Variants in GRSF1 observed in about 807,000 individuals in gnomAD.
GRSF1 encodes G-rich RNA sequence binding factor 1.
In GRSF1, 50 loss-of-function variants were observed where a neutral mutation model predicts 51.1. The ratio of observed to expected loss-of-function variants is 0.98; its 90% CI spans 0.78 to 1.24. The LOEUF (loss-of-function observed/expected upper bound fraction) is 1.24, where lower values mean the gene tolerates loss of function less well. Among genes scored for constraint, GRSF1 ranks in the 50% most tolerant of loss-of-function variants. The pLI, the probability that GRSF1 is intolerant of heterozygous loss-of-function variation, is 0.00. For synonymous variants in GRSF1, 293 were observed against 253.3 expected (o/e 1.16, Z -1.49); for missense variants, 700 against 639.7 (o/e 1.09, Z -1.02).
intron 2 of GRSF1, among the ~76,000 whole-genome samples, chr4:70,835,061 C>T (rs1734142662): frequency 6.6e-6 from 1 of 152,112 alleles, no homozygotes; most frequent in African/African-American, 2.4e-5. Context: ...TTTAATGTTC[C>T]ATGTTAGTTT....
In GRSF1 at chr4:70,820,601, C is replaced by T; in HGVS notation, c.*286G>A. 1 of 152,326 alleles carries T rather than the reference C, an allele frequency of 6.6e-6. No individual in the cohort carries two copies. Among genetic ancestry groups the T allele is most frequent in the South Asian group, 2.1e-4 (1 of 4,832 alleles). The allele number at this position is 152,326 out of a possible 1,614,324, so 9.4% of individuals were successfully genotyped here. A position where few individuals can be genotyped will look rare whatever the true frequency, so the allele number is the denominator to read the frequency against. ...GTAACATATCATCTATGAAAACAAA[C>T]CATTTAATCATATAAAACAAAGACC... On this transcript the variant is annotated 3_prime_UTR_variant, in exon 10 of 10. Transcript: ENST00000254799.
At chr4:70,841,892 G>T (rs1734468123), upstream of GRSF1, among the ~76,000 whole-genome samples, 1 of 152,196 alleles carries the variant, frequency 6.6e-6, no homozygotes, top group Admixed American at 6.6e-5. Context: ...AGGGACAAAA[G>T]AAAAGGCAAC....
chr4:70,830,245 A>G (rs1733903939), intron 5 of GRSF1, among the ~76,000 whole-genome samples: 1 of 152,050 alleles, frequency 6.6e-6, no homozygotes, highest in Non-Finnish European at 1.5e-5. Context: ...AGGGCAACAC[A>G]GCAAGACCCC....
rs1733728914 is a variant in GRSF1 at position 70,826,174 on chromosome 4, C to G, written c.1207G>C (p.Val403Leu). ...TGGAAAGGTAATCCTCTCATGTGGACAAAATGCAGAGAAGACGTAGTTCCA... is the reference window on the plus strand; with the variant it reads ...TGGAAAGGTAATCCTCTCATGTGGAGAAAATGCAGAGAAGACGTAGTTCCA... ...DFGTTSSLHFVHMRGLPFQAN... is the reference protein window; with the variant it reads ...DFGTTSSLHFLHMRGLPFQAN... The change falls in exon 7 of 10, where the codon GTC becomes CTC. Residue 403 changes from valine (V) to leucine (L), a missense_variant. By Grantham distance (32) the Val-to-Leu change is conservative. Transcript: ENST00000254799. 1.9e-6 allele frequency: 3 copies of G among 1,611,316 alleles called. No individual in the cohort carries two copies. The highest frequency in any genetic ancestry group is 1.3e-5 in the African/African-American group (1 of 74,808).
Position 70,819,662 on chromosome 4 carries a change from C to A in GRSF1, c.*1225G>T, listed in dbSNP as rs1383993286. Reference sequence around the variant, plus strand: ...CTTCCAGGTATCACCTGTCAGAAACCTGGGCAAATTTAATTTTAAGAACTA... The same window carrying A: ...CTTCCAGGTATCACCTGTCAGAAACATGGGCAAATTTAATTTTAAGAACTA... On this transcript the variant is annotated 3_prime_UTR_variant, in exon 10 of 10. Coordinates refer to ENST00000254799, the MANE Select transcript of GRSF1 (RefSeq NM_002092.4). The A allele has an allele frequency of 6.6e-6, 1 of 152,470 alleles. No individual in the cohort carries two copies. Among genetic ancestry groups the A allele is most frequent in the East Asian group, 1.9e-4 (1 of 5,204 alleles). The allele number at this position is 152,470 out of a possible 1,614,324, so 9.4% of individuals were successfully genotyped here. A position where few individuals can be genotyped will look rare whatever the true frequency, so the allele number is the denominator to read the frequency against.
rs376358214 is a variant in GRSF1, at chr4:70,818,675, G to C, written c.*2212C>G. 7 of 152,156 alleles carry C rather than the reference G, an allele frequency of 4.6e-5. No homozygotes were observed. Among genetic ancestry groups the C allele is most frequent in the Non-Finnish European group, 1.0e-4 (7 of 68,042 alleles). 9.4% of individuals were successfully genotyped at this position (152,156 alleles called of 1,614,324 possible). On this transcript the variant is annotated 3_prime_UTR_variant, in exon 10 of 10. Coordinates refer to ENST00000254799, the MANE Select transcript of GRSF1 (RefSeq NM_002092.4). The stretch of plus-strand genomic sequence containing the variant: ...CCTGGTATTTACATACTGCTTCTCA[G>C]AGTTCTCCCTTGCACTCCGTAAGCA...
intron 9 of GRSF1, among the ~76,000 whole-genome samples, chr4:70,821,809 G>A (rs1174015763): frequency 1.3e-5 from 2 of 151,606 alleles, no homozygotes; most frequent in Non-Finnish European, 2.9e-5. Context: ...CCCAGTAGCT[G>A]GAACTACAGA....
chr4:70,818,410 T>C lies in GRSF1; in HGVS notation c.*2477A>G, dbSNP rs1578288644. Reference sequence around the variant, plus strand: ...GCATGTTGATTAATAAGCAGATTCATGGCACACAATGTTGCCTTCAAACTG... The same window carrying C: ...GCATGTTGATTAATAAGCAGATTCACGGCACACAATGTTGCCTTCAAACTG... On this transcript the variant is annotated 3_prime_UTR_variant, in exon 10 of 10. Transcript: ENST00000254799. The C allele has an allele frequency of 6.6e-6, 1 of 152,218 alleles. No individual in the cohort carries two copies. Among genetic ancestry groups the C allele is most frequent in the African/African-American group, 2.4e-5 (1 of 41,444 alleles). 9.4% of individuals were successfully genotyped at this position (152,218 alleles called of 1,614,324 possible).
rs1733455668 is a variant in GRSF1, at chr4:70,820,428, G to GA, written c.*458dup. On this transcript the variant is annotated 3_prime_UTR_variant, in exon 10 of 10. Coordinates refer to ENST00000254799, the MANE Select transcript of GRSF1 (RefSeq NM_002092.4). ...GTCTGAAACCGTTCTTTGCTTTGGTGAATGTTTGGTTAAAATAAATCACTG... is the reference window on the plus strand; with the variant it reads ...GTCTGAAACCGTTCTTTGCTTTGGTGAAATGTTTGGTTAAAATAAATCACTG... The GA allele has an allele frequency of 1.3e-5, 2 of 152,400 alleles. No individual in the cohort carries two copies. The highest frequency in any genetic ancestry group is 4.8e-5 in the African/African-American group (2 of 41,364). 9.4% of individuals were successfully genotyped at this position (152,400 alleles called of 1,614,324 possible). A position where few individuals can be genotyped will look rare whatever the true frequency, so the allele number is the denominator to read the frequency against.
At chr4:70,840,770 A>G (rs563159984), upstream of GRSF1, among the ~76,000 whole-genome samples, 1 of 152,204 alleles carries the variant, frequency 6.6e-6, no homozygotes, top group East Asian at 1.9e-4. Flanking sequence ...CTCCAAACAA[A>G]CAAACAAAAA....
At chr4:70,822,699 G>A (rs116562472) in intron 9 of GRSF1, among the ~76,000 whole-genome samples, 1,563 of 152,102 alleles carry the variant, frequency 0.01, 26 homozygotes, top group African/African-American at 0.036. Flanking sequence ...ACGATTTATA[G>A]CTACTAAAGG....
Position 70,817,396 on chromosome 4 carries a change from C to T in GRSF1, c.*3491G>A, listed in dbSNP as rs1733352849. The stretch of plus-strand genomic sequence containing the variant: ...AGCCTATTCTTGATTTTCATATAAT[C>T]AGGCTTAAGACAGATTAAACCTTCC... On this transcript the variant is annotated 3_prime_UTR_variant, in exon 10 of 10. Coordinates refer to ENST00000254799, the MANE Select transcript of GRSF1 (RefSeq NM_002092.4). 1 of 152,140 alleles carries T rather than the reference C, an allele frequency of 6.6e-6. No homozygotes were observed. The highest frequency in any genetic ancestry group is 2.4e-5 in the African/African-American group (1 of 41,420). The allele number at this position is 152,140 out of a possible 1,614,324, so 9.4% of individuals were successfully genotyped here. A position where few individuals can be genotyped will look rare whatever the true frequency, so the allele number is the denominator to read the frequency against.
At chr4:70,825,924 T>G in intron 7 of GRSF1, 200 bp downstream of exon 7, 4 of 500,394 alleles carry the variant, frequency 8.0e-6, no homozygotes, top group Non-Finnish European at 1.4e-5. Flanking sequence ...AGAGCGAGAC[T>G]CTGTCACAAA....
chr4:70,839,804 G>C lies in GRSF1; in HGVS notation c.24C>G (p.Leu8=). ...AGCCGCAGCCCCGGAGCAGCGCCCC[G>C]AGTACCCAGCGCGTGCCGGCCATGG... MAGTRWV[L]GALLRGCGCN... The change falls in exon 1 of 10, where the codon CTC becomes CTG. Residue 8 remains leucine, a synonymous_variant. Coordinates refer to ENST00000254799, the MANE Select transcript of GRSF1 (RefSeq NM_002092.4). The C allele has an allele frequency of 1.3e-6, 2 of 1,503,104 alleles. No individual in the cohort carries two copies. The highest frequency in any genetic ancestry group is 4.2e-5 in the Admixed American group (2 of 47,940). The allele number at this position is 1,503,104 out of a possible 1,614,324, so 93.1% of individuals were successfully genotyped here.
intron 6 of GRSF1, 24 bp downstream of exon 6, chr4:70,827,828 T>C: frequency 3.9e-6 from 6 of 1,534,064 alleles, no homozygotes; most frequent in Non-Finnish European, 5.3e-6. Context: ...ACCCAATGAG[T>C]CTCAAGAAGA....
At chr4:70,825,788 C>T (rs925212682) in intron 7 of GRSF1, 4 of 295,648 alleles carry the variant, frequency 1.4e-5, no homozygotes, top group East Asian at 1.0e-4. Context: ...TAAAATTAGC[C>T]GGGCATGGTG....
intron 1 of GRSF1, 24 bp from the exon 2 acceptor site, chr4:70,836,338 TAA>T (rs1175683785): frequency 5.4e-6 from 8 of 1,485,096 alleles, no homozygotes; most frequent in East Asian, 5.0e-5. Flanking sequence ...TGAAGAATTG[TAA>T]AAAGAGTTGC....
intron 3 of GRSF1, 72 bp from the exon 4 acceptor site, chr4:70,832,522 T>C (rs1734024973): frequency 1.2e-6 from 1 of 837,094 alleles, no homozygotes; most frequent in Non-Finnish European, 1.9e-6. Context: ...AAAAAATCAT[T>C]ACAACTTGCT....
At position 70,825,420 on chromosome 4, in the gene GRSF1, T is replaced by A. The variant is rs374413394; in HGVS notation, c.1269A>T (p.Pro423=). 4.4e-6 allele frequency: 7 copies of A among 1,608,774 alleles called. No homozygotes were observed. In the African/African-American group the frequency reaches 9.4e-5, roughly 22 times the overall value. Residue 423 remains proline (P), a synonymous_variant, in exon 8 of 10, where the codon CCA becomes CCT. Coordinates refer to ENST00000254799, the MANE Select transcript of GRSF1 (RefSeq NM_002092.4). Reference sequence around the variant, plus strand: ...CCATGGTGATTCTAACAGGCTTGAGTGGAGCAAAAAACTAAACGACAAACA... The same window carrying A: ...CCATGGTGATTCTAACAGGCTTGAGAGGAGCAAAAAACTAAACGACAAACA... ...NAQDIINFFA[P]LKPVRITMEY...
Sources: allele counts gnomAD v4.1 joint callset (sites outside exome capture counted in the v4.1 genomes callset), GRCh38; gene constraint gnomAD v4.1.1; transcripts MANE v1.5; gene names NCBI Gene and HGNC (gene_info 2026-07-23, HGNC 2026-07-21).